CTSC: variants seen among roughly 807,000 people sequenced by gnomAD.
CTSC encodes the protein dipeptidyl peptidase 1.
A neutral mutation model predicts 40.9 loss-of-function variants in CTSC; 37 were observed. That is an observed-to-expected ratio of 0.91 (90% CI 0.70 to 1.19). CTSC has a LOEUF of 1.19. Ranked by LOEUF, CTSC falls within the 50% of genes most tolerant of loss-of-function variation. The probability of loss-of-function intolerance (pLI) is 0.00; values close to 1 mark genes in which losing one functional copy is unlikely to be tolerated. For synonymous variants in CTSC, 232 were observed against 207.4 expected (o/e 1.12, Z -1.02); for missense variants, 594 against 567.3 (o/e 1.05, Z -0.48).
intron 5 of CTSC, chr11:88,299,045 A>G (rs1434883934): frequency 6.6e-6 from 1 of 152,314 alleles, no homozygotes; most frequent in East Asian, 1.9e-4. Context: ...AATCACTAGG[A>G]CAAGGACTAT....
chr11:88,304,205 C>T (rs1261812990), intron 4 of CTSC, among the ~76,000 whole-genome samples: 2 of 152,124 alleles, frequency 1.3e-5, no homozygotes, highest in Non-Finnish European at 2.9e-5. Flanking sequence ...AACTACAGTT[C>T]ACTTCTATTA....
intron 2 of CTSC, among the ~76,000 whole-genome samples, chr11:88,313,245 T>C (rs1441185118): frequency 6.6e-6 from 1 of 152,130 alleles, no homozygotes; most frequent in East Asian, 1.9e-4. Context: ...AATTTTTGTA[T>C]TGTTTAGTAG....
chr11:88,336,349 G>A (rs1489721585), intron 1 of CTSC, among the ~76,000 whole-genome samples: 2 of 151,608 alleles, frequency 1.3e-5, no homozygotes, highest in Non-Finnish European at 2.9e-5. Context: ...GACCATCCTG[G>A]CTAACACAGT....
intron 2 of CTSC, chr11:88,324,280 A>C: frequency 4.2e-6 from 3 of 710,920 alleles, no homozygotes; most frequent in Non-Finnish European, 5.2e-6. Flanking sequence ...CTTAAATGTA[A>C]AACCCAAAAC....
Position 88,314,198 on chromosome 11 carries a change from C to T in CTSC, c.319-1644G>A, listed in dbSNP as rs56091586. ...CTGGAAGACCTCAGTCACAACTACT[C>T]AACCTAAAAGGTGCAAAGGGAATAC... On this transcript the variant is annotated intron_variant, in intron 2 of 6. Coordinates refer to ENST00000227266, the MANE Select transcript of CTSC (RefSeq NM_001814.6). Among the ~76,000 whole-genome samples the T allele has an allele frequency of 7.7e-3, 1,170 of 152,262 alleles. 13 individuals are homozygous for T. The highest frequency in any genetic ancestry group is 0.026 in the African/African-American group (1,092 of 41,544).
At chr11:88,326,033 T>A (rs756789473) in intron 2 of CTSC, 105 of 1,070,494 alleles carry the variant, frequency 9.8e-5, no homozygotes, top group Admixed American at 2.4e-4. Flanking sequence ...CCTGACAATC[T>A]TAGAAAAAAA....
Position 88,293,982 on chromosome 11 carries a change from T to C in CTSC, c.*24A>G. Reference sequence around the variant, plus strand: ...TCCCCTTTACAACTGATGCAGATCATTATGAAATACTGGAAGGCATACCCT... The same window carrying C: ...TCCCCTTTACAACTGATGCAGATCACTATGAAATACTGGAAGGCATACCCT... On this transcript the variant is annotated 3_prime_UTR_variant, in exon 7 of 7. Coordinates refer to ENST00000227266, the MANE Select transcript of CTSC (RefSeq NM_001814.6). 5 of 1,613,036 alleles carry C rather than the reference T, an allele frequency of 3.1e-6. No homozygotes were observed. The highest frequency in any genetic ancestry group is 4.2e-6 in the Non-Finnish European group (5 of 1,179,776).
intron 2 of CTSC, among the ~76,000 whole-genome samples, chr11:88,329,608 A>C (rs1181036039): frequency 6.6e-6 from 1 of 152,244 alleles, no homozygotes; most frequent in East Asian, 1.9e-4. Flanking sequence ...TTAAAAATGA[A>C]CAAAGTACAT....
intron 4 of CTSC, 41 bp from the exon 5 acceptor site, chr11:88,300,686 T>G (rs571953841): frequency 8.3e-7 from 1 of 1,205,552 alleles, no homozygotes; most frequent in South Asian, 1.2e-5. Flanking sequence ...ATATAATCTT[T>G]CCTTTGAGGA....
intron 4 of CTSC, among the ~76,000 whole-genome samples, chr11:88,301,833 CACAGAG>C (rs201863488): frequency 5.6e-4 from 85 of 151,458 alleles, no homozygotes; most frequent in East Asian, 2.9e-3. Context: ...CACACACACA[CACAGAG>C]AGAGAACCAC....
chr11:88,314,954 C>CA (rs144485857), intron 2 of CTSC, among the ~76,000 whole-genome samples: 4,531 of 152,248 alleles, frequency 0.03, 82 homozygotes, highest in Non-Finnish European at 0.043. Context: ...ACCATGGAAA[C>CA]AAAGACCCAG....
At chr11:88,322,493 A>C (rs1048928795) in intron 2 of CTSC, 2 of 152,194 alleles carry the variant, frequency 1.3e-5, no homozygotes, top group Non-Finnish European at 2.9e-5. Context: ...GGATTAATTG[A>C]ATAGAGAGTC....
At chr11:88,326,037 A>G (rs1008196369) in intron 2 of CTSC, 1 of 1,075,080 alleles carries the variant, frequency 9.3e-7, no homozygotes, top group Non-Finnish European at 1.1e-6. Flanking sequence ...ACAATCTTAG[A>G]AAAAAATCAC....
intron 2 of CTSC, chr11:88,325,176 C>T: frequency 1.0e-6 from 1 of 984,550 alleles, no homozygotes; most frequent in Non-Finnish European, 1.2e-6. Context: ...TTGAACAATA[C>T]TGTAATTAAG....
rs580808 is a variant in CTSC at position 88,337,395 on chromosome 11, C to T, written c.172+106G>A. ...CCGAATCCAGTCAAGATGCTCTGGC[C>T]ACCCACAAGCGTCTGCCTGGGGGGA... On this transcript the variant is annotated intron_variant, in intron 1 of 6. Transcript: ENST00000227266. The T allele has an allele frequency of 0.39, 453,904 of 1,168,392 alleles. 93,785 individuals carry two copies. Among genetic ancestry groups the T allele is most frequent in the Non-Finnish European group, 0.44 (352,894 of 800,680 alleles). 72.4% of individuals were successfully genotyped at this position (1,168,392 alleles called of 1,614,324 possible). A position where few individuals can be genotyped will look rare whatever the true frequency, so the allele number is the denominator to read the frequency against.
intron 2 of CTSC, chr11:88,321,062 A>T: frequency 1.0e-6 from 1 of 984,162 alleles, no homozygotes; most frequent in Non-Finnish European, 1.2e-6. Flanking sequence ...CCATAATAAA[A>T]GCATGTTGAT....
chr11:88,323,000 A>T (rs1424461499), intron 2 of CTSC: 1 of 152,214 alleles, frequency 6.6e-6, no homozygotes, highest in Non-Finnish European at 1.5e-5. Context: ...TCCCTGATGA[A>T]CTTCGACGCA....
At chr11:88,320,994 T>C in intron 2 of CTSC, 3 of 985,354 alleles carry the variant, frequency 3.0e-6, no homozygotes, top group Non-Finnish European at 3.6e-6. Flanking sequence ...AGCCTTATTA[T>C]ATTCAGGGAT....
chr11:88,325,806 C>A (rs548794880), intron 2 of CTSC: 2 of 985,664 alleles, frequency 2.0e-6, no homozygotes, highest in East Asian at 1.1e-4. Context: ...TCTGAGAAAG[C>A]CTCTTTTTTC....
Sources: allele counts gnomAD v4.1 joint callset (sites outside exome capture counted in the v4.1 genomes callset), GRCh38; gene constraint gnomAD v4.1.1; transcripts MANE v1.5; gene names NCBI Gene and HGNC (gene_info 2026-07-23, HGNC 2026-07-21).